The following B9D1 variants were observed in gnomAD, a reference collection of about 807,000 sequenced individuals.
B9D1 encodes B9 domain-containing protein 1.
A neutral mutation model predicts 26.1 loss-of-function variants in B9D1; 20 were observed. That is an observed-to-expected ratio of 0.77 (90% CI 0.54 to 1.12). B9D1 has a LOEUF of 1.12. Ranked by LOEUF, B9D1 falls within the 50% of genes most tolerant of loss-of-function variation. B9D1 has a pLI of 0.00. For synonymous variants in B9D1, 105 were observed against 103.1 expected, an observed-to-expected ratio of 1.02 and a Z score of -0.11; for missense variants, 260 against 273.7, an observed-to-expected ratio of 0.95 and a Z score of 0.35.
chr17:19,336,892 AG>A (rs1310036089), downstream of B9D1, among the ~76,000 whole-genome samples: 2 of 152,128 alleles, frequency 1.3e-5, no homozygotes, highest in African/African-American at 4.8e-5. Context: ...CCTCAGGGAA[AG>A]GGGGTGGGAG....
At chr17:19,364,650 C>T (rs1911483311), upstream of B9D1, 1 of 152,418 alleles carries the variant, frequency 6.6e-6, no homozygotes, top group African/African-American at 2.4e-5. The surrounding 1 kb of genome is among the most constrained non-coding windows in gnomAD (Gnocchi z 4.3). Flanking sequence ...TCCAGCCGAT[C>T]TGCACCAGTC....
At chr17:19,343,062 A>G (rs572607311), downstream of B9D1, 2 of 1,381,010 alleles carry the variant, frequency 1.4e-6, no homozygotes, top group African/African-American at 2.9e-5. Flanking sequence ...CTTCCACGGC[A>G]CAAGGGGTAG....
intron 1 of B9D1, among the ~76,000 whole-genome samples, chr17:19,374,438 A>G (rs1223746116): frequency 6.6e-6 from 1 of 152,244 alleles, no homozygotes; most frequent in East Asian, 1.9e-4. Context: ...CTCTCATACC[A>G]CTGGTGGGTG....
At position 19,362,562 on chromosome 17, in the gene B9D1, G is replaced by A; in HGVS notation, c.8C>T (p.Thr3Ile). 1 of 1,589,804 alleles carries A rather than the reference G, an allele frequency of 6.3e-7. No individual in the cohort carries two copies. The highest frequency in any genetic ancestry group is 8.6e-7 in the Non-Finnish European group (1 of 1,167,962). ...GAGTAGAAAGACGCTAGGACTCGCGGTCGCCATGGCAGGTCTGGGGGTGCC... is the reference window on the plus strand; with the variant it reads ...GAGTAGAAAGACGCTAGGACTCGCGATCGCCATGGCAGGTCTGGGGGTGCC... MA[T>I]ASPSVFLLMV... The change falls in exon 1 of 7, where the codon ACC becomes ATC. Residue 3 changes from threonine to isoleucine, a missense_variant. Transcript: ENST00000261499.
downstream of B9D1, among the ~76,000 whole-genome samples, chr17:19,340,033 A>ACCCCCCCCCCCCCC (rs56279237): frequency 9.0e-6 from 1 of 110,550 alleles, no homozygotes; most frequent in Non-Finnish European, 1.7e-5. Flanking sequence ...CACATGCCCA[A>ACCCCCCCCCCCCCC]CCCCCCCCCC....
downstream of B9D1, chr17:19,341,422 C>T (rs1159821679): frequency 1.1e-5 from 9 of 852,266 alleles, no homozygotes; most frequent in Admixed American, 4.3e-5. Flanking sequence ...TGGAGGCTGG[C>T]GTGAAGGAGC....
chr17:19,356,505 C>G (rs1910377354), intron 3 of B9D1, among the ~76,000 whole-genome samples: 2 of 152,194 alleles, frequency 1.3e-5, no homozygotes, highest in South Asian at 4.1e-4. Context: ...CCCTGTGAGG[C>G]TGCTCTGCTT....
At chr17:19,377,254 G>C (rs941713444) in intron 1 of B9D1, among the ~76,000 whole-genome samples, 1 of 152,190 alleles carries the variant, frequency 6.6e-6, no homozygotes, top group South Asian at 2.1e-4. Context: ...GTTTCTTTTA[G>C]GGGCGATGAA....
At chr17:19,371,930 G>A (rs1286890336) in intron 1 of B9D1, among the ~76,000 whole-genome samples, 1 of 152,146 alleles carries the variant, frequency 6.6e-6, no homozygotes, top group African/African-American at 2.4e-5. Context: ...TGACTGAACC[G>A]GATTACTTGT....
downstream of B9D1, among the ~76,000 whole-genome samples, chr17:19,340,453 G>T (rs1309349991): frequency 0.12 from 18 of 150 alleles, no homozygotes; most frequent in East Asian, 0.42. Context: ...GATTACAGGC[G>T]TCAGCACCAT....
At chr17:19,377,001 C>A (rs1030147286) in intron 1 of B9D1, among the ~76,000 whole-genome samples, 1 of 152,120 alleles carries the variant, frequency 6.6e-6, no homozygotes. Context: ...CCAGAATAGA[C>A]ATTGAACAGA....
At chr17:19,337,721 T>C (rs1907564962), downstream of B9D1, 2 of 1,534,644 alleles carry the variant, frequency 1.3e-6, no homozygotes, top group Non-Finnish European at 1.7e-6. Flanking sequence ...GAAACACTGC[T>C]ATCTTTGACA....
At chr17:19,335,387 T>A, downstream of B9D1, 1 of 1,547,518 alleles carries the variant, frequency 6.5e-7, no homozygotes, top group Non-Finnish European at 8.7e-7. Context: ...ATCAACTAAT[T>A]CCTTTTTTTT....
downstream of B9D1, among the ~76,000 whole-genome samples, chr17:19,337,069 G>A (rs1289003155): frequency 6.6e-6 from 1 of 152,228 alleles, no homozygotes; most frequent in Non-Finnish European, 1.5e-5. Context: ...GGTCCCCAGA[G>A]GCTTCCTGTG....
At position 19,370,294 on chromosome 17, in the gene B9D1, T is replaced by C. The variant is rs541785865; in HGVS notation, c.-298+7565A>G. ...CAGGGTGCACACGGGGGAGATGTCG[T>C]AGGACAACTGGGTGTTGGATCTGGA... On this transcript the variant is annotated intron_variant, in intron 1 of 5. Transcript: ENST00000477478. The surrounding 1 kb of genome is among the most constrained non-coding windows in gnomAD (Gnocchi z 5.1). Among the ~76,000 whole-genome samples, 2 of 152,284 alleles carry C rather than the reference T, an allele frequency of 1.3e-5. No individual in the cohort carries two copies. Among genetic ancestry groups the C allele is most frequent in the East Asian group, 3.9e-4 (2 of 5,184 alleles).
At chr17:19,354,721 C>T (rs935224566) in intron 3 of B9D1, among the ~76,000 whole-genome samples, 2 of 152,080 alleles carry the variant, frequency 1.3e-5, no homozygotes, top group African/African-American at 4.8e-5. Context: ...CCCAGCTACT[C>T]AGGAGGCTGA....
chr17:19,339,648 A>G (rs148336973), downstream of B9D1, among the ~76,000 whole-genome samples: 1 of 152,314 alleles, frequency 6.6e-6, no homozygotes, highest in African/African-American at 2.4e-5. Context: ...CTCACTCACA[A>G]AAAGCCTAAT....
chr17:19,341,267 G>C (rs888024044), downstream of B9D1: 12 of 1,231,732 alleles, frequency 9.7e-6, no homozygotes, highest in Non-Finnish European at 1.2e-5. Context: ...ACCAAGGCCA[G>C]TGCCCTGGGT....
chr17:19,355,611 C>T (rs1027693800), intron 3 of B9D1, among the ~76,000 whole-genome samples: 4 of 150,980 alleles, frequency 2.6e-5, no homozygotes, highest in South Asian at 2.1e-4. Context: ...GGGCAGATCA[C>T]GAGGTCAGGA....
Sources: allele counts gnomAD v4.1 joint callset (sites outside exome capture counted in the v4.1 genomes callset), GRCh38; gene constraint gnomAD v4.1.1; non-coding constraint Gnocchi (gnomAD v3.1); transcripts MANE v1.5; gene names NCBI Gene and HGNC (gene_info 2026-07-23, HGNC 2026-07-21).